The following ERCC6L2 variants were observed in gnomAD, a reference collection of about 807,000 sequenced individuals.
ERCC6L2 encodes the protein ERCC excision repair 6 like 2, also known as DNA excision repair protein ERCC-6-like 2.
A neutral mutation model predicts 132.0 loss-of-function variants in ERCC6L2; 77 were observed. That is an observed-to-expected ratio of 0.58 (90% CI 0.49 to 0.71). ERCC6L2 has a LOEUF of 0.71. ERCC6L2 is among the 30% of genes least tolerant of loss of function. The probability of loss-of-function intolerance (pLI) is 0.00; values close to 1 mark genes in which losing one functional copy is unlikely to be tolerated. For missense variants in ERCC6L2, 1,542 were observed against 1,837.6 expected (o/e 0.84, Z 2.94); for synonymous variants, 583 against 632.4 (o/e 0.92, Z 1.17).
At chr9:95,979,585 G>T (rs570284651) in intron 17 of ERCC6L2, among the ~76,000 whole-genome samples, 2 of 152,090 alleles carry the variant, frequency 1.3e-5, no homozygotes, top group South Asian at 4.1e-4. Flanking sequence ...TCTAATAACA[G>T]ACTTTGAAAG....
intron 12 of ERCC6L2, among the ~76,000 whole-genome samples, chr9:95,944,706 G>A (rs1337632395): frequency 2.0e-5 from 3 of 151,936 alleles, no homozygotes; most frequent in African/African-American, 4.8e-5. Flanking sequence ...AGTGTCGGCC[G>A]GTCTGAGAAA....
At chr9:96,025,918 T>C (rs1418391120) in intron 19 of ERCC6L2, 2 of 152,168 alleles carry the variant, frequency 1.3e-5, no homozygotes, top group Non-Finnish European at 2.9e-5. Flanking sequence ...GAGAATCTCC[T>C]GTTGTTGGTC....
intron 17 of ERCC6L2, among the ~76,000 whole-genome samples, chr9:95,981,001 T>A (rs1832869047): frequency 6.6e-6 from 1 of 152,174 alleles, no homozygotes; most frequent in South Asian, 2.1e-4. Context: ...TTGGAAAGAT[T>A]GTGTGCATGC....
At chr9:95,977,149 G>A (rs1158884309) in intron 16 of ERCC6L2, among the ~76,000 whole-genome samples, 2 of 152,148 alleles carry the variant, frequency 1.3e-5, no homozygotes, top group African/African-American at 2.4e-5. Flanking sequence ...TAATGGTAAC[G>A]TGTCATCAAA....
chr9:96,027,334 C>G (rs1411534945), intron 19 of ERCC6L2, among the ~76,000 whole-genome samples: 1 of 152,128 alleles, frequency 6.6e-6, no homozygotes, highest in Non-Finnish European at 1.5e-5. Context: ...CCTGGGGAAC[C>G]GGGAAGGCTG....
At position 95,886,358 on chromosome 9, in the gene ERCC6L2, TA is replaced by T. The variant is rs144698177; in HGVS notation, c.471+5075del. On this transcript the variant is annotated intron_variant, in intron 2 of 18. Coordinates refer to ENST00000653738, the MANE Select transcript of ERCC6L2 (RefSeq NM_020207.7). ...TACATAGGATGATGATCATTTCATT[TA>T]AAAAAAAAATACATTTAGAAATGGA... 7.8e-3 allele frequency among the ~76,000 whole-genome samples: 1,175 copies of T among 150,050 alleles called. 4 individuals are homozygous for T. Among genetic ancestry groups the T allele is most frequent in the African/African-American group, 0.013 (534 of 40,900 alleles).
At chr9:95,898,105 A>G in intron 3 of ERCC6L2, 134 bp downstream of exon 3, 3 of 849,028 alleles carry the variant, frequency 3.5e-6, no homozygotes, top group East Asian at 3.3e-5. Context: ...TGTTATTAAA[A>G]TATTTGTTTT....
At chr9:95,900,401 T>TG (rs1481424464) in intron 3 of ERCC6L2, among the ~76,000 whole-genome samples, 4 of 151,522 alleles carry the variant, frequency 2.6e-5, no homozygotes, top group African/African-American at 9.7e-5. Context: ...AAAAAAAAAG[T>TG]TCCTTTCAGT....
chr9:95,908,616 G>A (rs1353722555), intron 4 of ERCC6L2, among the ~76,000 whole-genome samples: 1 of 152,152 alleles, frequency 6.6e-6, no homozygotes, highest in Non-Finnish European at 1.5e-5. Context: ...AGTCTTCATA[G>A]TTGTTCCAGC....
rs112838991 is a variant in ERCC6L2 at position 95,954,151 on chromosome 9, G to A, written c.1848-1763G>A. ...TGCTCAAGGTCATAGCCAATAAGTGGCAGGGTCAGGATCTGAATCCATGTG... is the reference window on the plus strand; with the variant it reads ...TGCTCAAGGTCATAGCCAATAAGTGACAGGGTCAGGATCTGAATCCATGTG... On this transcript the variant is annotated intron_variant, in intron 12 of 18. Coordinates refer to ENST00000653738, the MANE Select transcript of ERCC6L2 (RefSeq NM_020207.7). 7.6e-3 allele frequency among the ~76,000 whole-genome samples: 1,156 copies of A among 152,296 alleles called. 23 individuals carry two copies. The highest frequency in any genetic ancestry group is 0.027 in the African/African-American group (1,123 of 41,564).
intron 1 of ERCC6L2, among the ~76,000 whole-genome samples, chr9:95,879,153 C>G (rs1167853929): frequency 6.6e-6 from 1 of 151,988 alleles, no homozygotes; most frequent in East Asian, 1.9e-4. Context: ...TCTCCACATC[C>G]TCTCCAGCAC....
chr9:95,926,163 T>C (rs1203377367), intron 9 of ERCC6L2, among the ~76,000 whole-genome samples: 1 of 152,192 alleles, frequency 6.6e-6, no homozygotes, highest in African/African-American at 2.4e-5. Flanking sequence ...TATAGTCACT[T>C]TGGAAGACAG....
chr9:95,895,728 C>CTT (rs10711041), intron 2 of ERCC6L2, among the ~76,000 whole-genome samples: 11,614 of 134,906 alleles, frequency 0.086, 617 homozygotes, highest in Admixed American at 0.12. Context: ...GTTGTCATAG[C>CTT]TTTTTTTTTT....
chr9:95,894,803 C>T (rs569894107), intron 2 of ERCC6L2, among the ~76,000 whole-genome samples: 5 of 151,958 alleles, frequency 3.3e-5, no homozygotes, highest in Non-Finnish European at 7.4e-5. Context: ...ACCATGTTAG[C>T]CAGGCTGGTT....
chr9:95,890,991 T>A (rs1318151716), intron 2 of ERCC6L2, among the ~76,000 whole-genome samples: 1 of 152,204 alleles, frequency 6.6e-6, no homozygotes, highest in Admixed American at 6.5e-5. Flanking sequence ...GGTGGGCAGA[T>A]CACCAGTGGT....
At chr9:96,027,886 C>T (rs1834403506) in intron 19 of ERCC6L2, 1 of 152,414 alleles carries the variant, frequency 6.6e-6, no homozygotes, top group Non-Finnish European at 1.5e-5. Context: ...TCCCAGTCCT[C>T]ATGCAGAGCC....
chr9:95,998,111 T>C (rs1333171853), intron 17 of ERCC6L2, among the ~76,000 whole-genome samples: 3 of 152,218 alleles, frequency 2.0e-5, no homozygotes, highest in Non-Finnish European at 4.4e-5. Flanking sequence ...TCTGGCCATA[T>C]ACACCTTTAA....
intron 13 of ERCC6L2, among the ~76,000 whole-genome samples, chr9:95,963,237 A>G (rs889371210): frequency 2.6e-5 from 4 of 151,882 alleles, no homozygotes; most frequent in African/African-American, 9.7e-5. Flanking sequence ...AAGAACCCCC[A>G]GTTAGCTTCA....
At chr9:95,966,429 A>T in intron 13 of ERCC6L2, 133 bp from the exon 14 acceptor site, 1 of 708,594 alleles carries the variant, frequency 1.4e-6, no homozygotes, top group Non-Finnish European at 2.0e-6. Context: ...CAGGGAAATT[A>T]AAACAAAATT....
Sources: gnomAD v4.1 joint callset for allele counts (sites outside exome capture counted in the v4.1 genomes callset) on GRCh38, gnomAD v4.1.1 for gene constraint, MANE v1.5 for transcripts, NCBI Gene and HGNC (gene_info 2026-07-23, HGNC 2026-07-21) for gene names.